ABCA4: variants seen among roughly 807,000 people sequenced by gnomAD.
ABCA4 encodes ATP binding cassette subfamily A member 4.
Under a neutral mutation model 263.7 loss-of-function variants are expected in ABCA4, and 196 were observed. That is an observed-to-expected ratio of 0.74 (90% confidence interval 0.66 to 0.84). The LOEUF (loss-of-function observed/expected upper bound fraction) is 0.84, where lower values mean the gene tolerates loss of function less well. Among genes scored for constraint, ABCA4 ranks in the 40% least tolerant of loss-of-function variants. ABCA4 has a pLI of 0.00. For missense variants in ABCA4, 2,792 were observed against 2,855.1 expected, an observed-to-expected ratio of 0.98 and a Z score of 0.50; for synonymous variants, 1,133 against 1,094.2, an observed-to-expected ratio of 1.04 and a Z score of -0.70.
chr1:94,021,243 G>A lies in ABCA4; in HGVS notation c.5015C>T (p.Thr1672Ile), dbSNP rs1489817062. Residue 1672 changes from threonine to isoleucine, a missense_variant, in exon 35 of 50, where the codon ACA becomes ATA. Thr to Ile is a moderately conservative substitution (Grantham distance 89). Coordinates refer to ENST00000370225, the MANE Select transcript of ABCA4 (RefSeq NM_000350.3). ...NLTKEQLSEI[T>I]VLTTSVDAVV... The stretch of plus-strand genomic sequence containing the variant: ...GGCTGGGGCTGTGGTGGCTTACACT[G>A]TAATCTCTGAGAGCTGCTCCTTGGT... 1 of 1,614,114 alleles carries A rather than the reference G, an allele frequency of 6.2e-7. No homozygotes were observed. Among genetic ancestry groups the A allele is most frequent in the Non-Finnish European group, 8.5e-7 (1 of 1,180,046 alleles).
Position 94,003,147 on chromosome 1 carries a change from T to TA in ABCA4, c.6148-1156dup, listed in dbSNP as rs755289073. Among the ~76,000 whole-genome samples, 26 of 152,352 alleles carry TA rather than the reference T, an allele frequency of 1.7e-4. 1 individual carries two copies. In the East Asian group the frequency reaches 1.7e-3, roughly 10 times the overall value. On this transcript the variant is annotated intron_variant, in intron 44 of 49. Coordinates refer to ENST00000370225, the MANE Select transcript of ABCA4 (RefSeq NM_000350.3). Reference sequence around the variant, plus strand: ...AATGTCAGTAAACTTAATGTTATGATACATTTACCTAATCTACTGTTCATA... The same window carrying TA: ...AATGTCAGTAAACTTAATGTTATGATAACATTTACCTAATCTACTGTTCATA...
At chr1:94,008,948 T>A in intron 40 of ABCA4, 77 bp from the exon 41 acceptor site, 14 of 1,580,074 alleles carry the variant, frequency 8.9e-6, no homozygotes, top group Non-Finnish European at 1.1e-5. Context: ...GGACCTCTCT[T>A]CCACTTCCTT....
intron 13 of ABCA4, among the ~76,000 whole-genome samples, chr1:94,061,851 G>C (rs1188722450): frequency 1.3e-5 from 2 of 152,240 alleles, no homozygotes; most frequent in East Asian, 3.8e-4. Context: ...AGGGTTTCCT[G>C]TGTCCACACT....
chr1:94,091,451 A>G (rs757165055), intron 6 of ABCA4, among the ~76,000 whole-genome samples: 10 of 152,036 alleles, frequency 6.6e-5, no homozygotes, highest in Non-Finnish European at 1.2e-4. Flanking sequence ...CCCCTTCCCT[A>G]TTATCTGTTC....
At chr1:94,019,407 T>C (rs1659830986) in intron 36 of ABCA4, 175 bp downstream of exon 36, 4 of 720,026 alleles carry the variant, frequency 5.6e-6, no homozygotes, top group Non-Finnish European at 9.0e-6. Flanking sequence ...CCTAGTTCTG[T>C]GCCTTTCTGA....
rs1481053859 is a variant in ABCA4, at chr1:93,992,917, C to G, written c.*320G>C. 1.2e-5 allele frequency: 5 copies of G among 434,116 alleles called. No individual in the cohort carries two copies. In the South Asian group the frequency reaches 1.3e-4, roughly 12 times the overall value. The allele number at this position is 434,116 out of a possible 1,614,324, so 26.9% of individuals were successfully genotyped here. A position where few individuals can be genotyped will look rare whatever the true frequency, so the allele number is the denominator to read the frequency against. Reference sequence around the variant, plus strand: ...ACACACAGACAAACATGCAGAAAAGCAGATCTGCTTGAAATGAGAGCAATA... The same window carrying G: ...ACACACAGACAAACATGCAGAAAAGGAGATCTGCTTGAAATGAGAGCAATA... On this transcript the variant is annotated 3_prime_UTR_variant, in exon 50 of 50. Transcript: ENST00000370225.
At chr1:94,063,964 G>C (rs916951090) in intron 11 of ABCA4, among the ~76,000 whole-genome samples, 2 of 151,716 alleles carry the variant, frequency 1.3e-5, no homozygotes, top group Admixed American at 1.3e-4. Flanking sequence ...ACCCACAAAA[G>C]AGCAGAACTA....
At chr1:94,050,074 A>G (rs72725167) in intron 17 of ABCA4, among the ~76,000 whole-genome samples, 9,170 of 152,128 alleles carry the variant, frequency 0.06, 342 homozygotes, top group African/African-American at 0.088. Flanking sequence ...TCTGTCCCCC[A>G]CCCTCTGAAA....
Position 94,060,755 on chromosome 1 carries a change from T to C in ABCA4, c.1942A>G (p.Met648Val), listed in dbSNP as rs1459874784. The C allele has an allele frequency of 2.5e-6, 4 of 1,610,320 alleles. No homozygotes were observed. The highest frequency in any genetic ancestry group is 1.7e-4 in the Middle Eastern group (1 of 6,060). Residue 648 changes from methionine (M) to valine (V), a missense_variant, in exon 14 of 50, where the codon ATG (methionine) becomes GTG (valine). Met to Val is a conservative substitution (Grantham distance 21). Transcript: ENST00000370225. ...GGGAAACAGCGGTTCAGGATGATCATGAAACTAAAGCAAAAGGAGAGAAGC... is the reference window on the plus strand; with the variant it reads ...GGGAAACAGCGGTTCAGGATGATCACGAAACTAAAGCAAAAGGAGAGAAGC... ...PYPCFVDDSF[M>V]IILNRCFPIF...
In ABCA4 at chr1:94,009,357, C is replaced by T. The variant is rs112317213; in HGVS notation, c.5715-486G>A. The stretch of plus-strand genomic sequence containing the variant: ...AGTCTGCCCTGCCAACTCCACCTTT[C>T]CAAAACAGAGTTGTCATCAGGCCAC... On this transcript the variant is annotated intron_variant, in intron 40 of 49. Transcript: ENST00000370225. 4.5e-4 allele frequency among the ~76,000 whole-genome samples: 68 copies of T among 152,284 alleles called. 2 individuals carry two copies. The highest frequency in any genetic ancestry group is 1.1e-3 in the African/African-American group (46 of 41,562).
At chr1:94,078,227 T>G (rs1433403177) in intron 10 of ABCA4, among the ~76,000 whole-genome samples, 1 of 152,204 alleles carries the variant, frequency 6.6e-6, no homozygotes, top group Admixed American at 6.5e-5. Flanking sequence ...TTTGCAAAGC[T>G]GAAAATGAGA....
At chr1:94,010,544 G>T in intron 40 of ABCA4, 1 of 602,782 alleles carries the variant, frequency 1.7e-6, no homozygotes, top group South Asian at 1.8e-5. Context: ...AATTAAATGA[G>T]AAGGATTAAA....
chr1:94,020,200 G>A (rs1659858668), intron 35 of ABCA4, among the ~76,000 whole-genome samples: 1 of 152,108 alleles, frequency 6.6e-6, no homozygotes, highest in Non-Finnish European at 1.5e-5. Flanking sequence ...GAAGTACATC[G>A]TAACACAAGG....
At chr1:94,028,188 A>G (rs975545194) in intron 30 of ABCA4, among the ~76,000 whole-genome samples, 1 of 152,118 alleles carries the variant, frequency 6.6e-6, no homozygotes, top group African/African-American at 2.4e-5. Flanking sequence ...GTGCTTTCCC[A>G]CTGAACTGCA....
At chr1:94,049,389 G>T (rs973680875) in intron 17 of ABCA4, among the ~76,000 whole-genome samples, 4 of 152,170 alleles carry the variant, frequency 2.6e-5, no homozygotes, top group Non-Finnish European at 5.9e-5. Context: ...ACTTTGGGAG[G>T]CCAATGTAGG....
chr1:94,048,093 C>A (rs1252440614), intron 18 of ABCA4, among the ~76,000 whole-genome samples: 2 of 152,194 alleles, frequency 1.3e-5, no homozygotes, highest in African/African-American at 4.8e-5. Flanking sequence ...TGCAGTCTAA[C>A]TCTGGGAGGG....
At chr1:94,100,166 G>T (rs1003657246) in intron 5 of ABCA4, among the ~76,000 whole-genome samples, 1 of 152,150 alleles carries the variant, frequency 6.6e-6, no homozygotes, top group Admixed American at 6.5e-5. Context: ...GTCCCCACAC[G>T]AGGCACAGGT....
intron 14 of ABCA4, among the ~76,000 whole-genome samples, chr1:94,058,611 C>T (rs1374235164): frequency 1.3e-5 from 2 of 152,266 alleles, no homozygotes; most frequent in Non-Finnish European, 2.9e-5. Flanking sequence ...ATCCACCTGC[C>T]TCTGTCTCCC....
chr1:94,117,383 C>T (rs1015531755), intron 1 of ABCA4, among the ~76,000 whole-genome samples: 2 of 152,038 alleles, frequency 1.3e-5, no homozygotes, highest in African/African-American at 2.4e-5. Flanking sequence ...CGGCTTGATG[C>T]TGAACCCAGG....
Sources: allele counts gnomAD v4.1 joint callset (sites outside exome capture counted in the v4.1 genomes callset), GRCh38; gene constraint gnomAD v4.1.1; transcripts MANE v1.5; gene names NCBI Gene and HGNC (gene_info 2026-07-23, HGNC 2026-07-21).